Variants in SHOC1 observed in about 807,000 individuals in gnomAD.
SHOC1 encodes shortage in chiasmata 1, also known as protein shortage in chiasmata 1 ortholog.
Under a neutral mutation model 179.2 loss-of-function variants are expected in SHOC1, and 136 were observed. That is an observed-to-expected ratio of 0.76 (90% CI 0.66 to 0.87). SHOC1 has a LOEUF of 0.87. Among genes scored for constraint, SHOC1 ranks in the 40% least tolerant of loss-of-function variants. The pLI, the probability that SHOC1 is intolerant of heterozygous loss-of-function variation, is 0.00. For synonymous variants in SHOC1, 489 were observed against 586.6 expected (o/e 0.83, Z 2.41); for missense variants, 1,538 against 1,700.8 (o/e 0.90, Z 1.68).
intron 8 of SHOC1, among the ~76,000 whole-genome samples, chr9:111,752,263 G>A (rs1179488876): frequency 6.6e-6 from 1 of 152,192 alleles, no homozygotes; most frequent in African/African-American, 2.4e-5. Flanking sequence ...GAGAGCAACA[G>A]AGGAGGAGCC....
intron 8 of SHOC1, among the ~76,000 whole-genome samples, chr9:111,749,739 C>T (rs1341791634): frequency 2.0e-5 from 3 of 152,104 alleles, no homozygotes; most frequent in East Asian, 3.8e-4. Context: ...GTGTTCTCAT[C>T]GTTCAGCTCC....
At chr9:111,756,236 G>A in intron 8 of SHOC1, 89 bp downstream of exon 8, 1 of 1,092,112 alleles carries the variant, frequency 9.2e-7, no homozygotes, top group Non-Finnish European at 1.2e-6. Context: ...AAATCTGGAG[G>A]TTCAGAAAAA....
chr9:111,763,902 TA>T (rs1835247016), intron 5 of SHOC1, among the ~76,000 whole-genome samples: 1 of 152,134 alleles, frequency 6.6e-6, no homozygotes, highest in Admixed American at 6.6e-5. Context: ...TTCTATGTAC[TA>T]AATACATAGA....
In SHOC1 at chr9:111,758,683, T is replaced by A. The variant is rs1834990338; in HGVS notation, c.596+12A>T. On this transcript the variant is annotated intron_variant, in intron 6 of 27. Coordinates refer to ENST00000682961, the MANE Select transcript of SHOC1 (RefSeq NM_001378211.1). ...TAAAAATATTTACAGCATTGGTCAA[T>A]TAAGTAAGTACCTGGAAAAATTAGC... 6.4e-7 allele frequency: 1 copy of A among 1,566,058 alleles called. No homozygotes were observed. Among genetic ancestry groups the A allele is most frequent in the East Asian group, 2.3e-5 (1 of 44,402 alleles).
chr9:111,761,954 C>CTAG (rs1161324665), intron 5 of SHOC1, among the ~76,000 whole-genome samples: 1 of 152,064 alleles, frequency 6.6e-6, no homozygotes, highest in East Asian at 1.9e-4. Flanking sequence ...TCATACCATA[C>CTAG]TAGTGGACAT....
chr9:111,729,252 C>A (rs970469010), intron 12 of SHOC1, among the ~76,000 whole-genome samples: 2 of 105,148 alleles, frequency 1.9e-5, no homozygotes, highest in Non-Finnish European at 4.6e-5. Flanking sequence ...CAGGTGCGTA[C>A]CACCATGCCA....
rs528400808 is a variant in SHOC1, at chr9:111,785,499, T to C, written c.169+413A>G. Reference sequence around the variant, plus strand: ...TTAACCGACTTGACTCCTCCAAGGATGCTACTTCTTTACTAGTCCATGACT... The same window carrying C: ...TTAACCGACTTGACTCCTCCAAGGACGCTACTTCTTTACTAGTCCATGACT... On this transcript the variant is annotated intron_variant, in intron 3 of 27. Coordinates refer to ENST00000682961, the MANE Select transcript of SHOC1 (RefSeq NM_001378211.1). Among the ~76,000 whole-genome samples, 120 of 152,292 alleles carry C rather than the reference T, an allele frequency of 7.9e-4. 1 individual carries two copies. Among genetic ancestry groups the C allele is most frequent in the African/African-American group, 2.7e-3 (114 of 41,560 alleles).
chr9:111,781,240 A>C, intron 3 of SHOC1: 1 of 453,328 alleles, frequency 2.2e-6, no homozygotes, highest in South Asian at 3.1e-5. Context: ...TCACCTGAAC[A>C]TATCACCCTC....
At chr9:111,784,173 T>C (rs1836180431) in intron 3 of SHOC1, among the ~76,000 whole-genome samples, 1 of 152,206 alleles carries the variant, frequency 6.6e-6, no homozygotes, top group South Asian at 2.1e-4. Context: ...TCAAGATTAA[T>C]GTAACCAATT....
chr9:111,775,841 G>T lies in SHOC1; in HGVS notation c.392C>A (p.Thr131Asn). The change falls in exon 5 of 28, where the codon ACC becomes AAC. Residue 131 changes from threonine to asparagine, a missense_variant. Thr to Asn is a moderately conservative substitution (Grantham distance 65). Coordinates refer to ENST00000682961, the MANE Select transcript of SHOC1 (RefSeq NM_001378211.1). Reference sequence around the variant, plus strand: ...ACATTTTTCTAAACAACTGACAGGGGTAAAGACTTCATTGTAGTCCATGTG... The same window carrying T: ...ACATTTTTCTAAACAACTGACAGGGTTAAAGACTTCATTGTAGTCCATGTG... Reference protein sequence around the residue: ...YTHMDYNEVFTPVSCLEKCSA... With the variant: ...YTHMDYNEVFNPVSCLEKCSA... The T allele has an allele frequency of 1.2e-6, 2 of 1,613,252 alleles. No individual in the cohort carries two copies. Among genetic ancestry groups the T allele is most frequent in the Non-Finnish European group, 8.5e-7 (1 of 1,179,736 alleles).
chr9:111,758,151 T>TTCACAAAAG lies in SHOC1; in HGVS notation c.640_641insCTTTTGTGA (p.Glu214delinsAlaPheValLys). 1 of 1,589,406 alleles carries TTCACAAAAG rather than the reference T, an allele frequency of 6.3e-7. No homozygotes were observed. Among genetic ancestry groups the TTCACAAAAG allele is most frequent in the Non-Finnish European group, 8.6e-7 (1 of 1,167,256 alleles). On this transcript the variant is annotated protein_altering_variant, in exon 7 of 28. Transcript: ENST00000682961. The stretch of plus-strand genomic sequence containing the variant: ...GTTCACTTTATCCATACAAAAATCT[T>TTCACAAAAG]CTTTCACAAAAGCTTCCAAAGTTTC...
Position 111,780,461 on chromosome 9 carries a change from T to G in SHOC1, c.257+469A>C, listed in dbSNP as rs113296732. On this transcript the variant is annotated intron_variant, in intron 4 of 27. Coordinates refer to ENST00000682961, the MANE Select transcript of SHOC1 (RefSeq NM_001378211.1). Reference sequence around the variant, plus strand: ...ACTTTGCACATTGTATTGTAATTATTTCTTTATAAAACTCTATTCTTTGTT... The same window carrying G: ...ACTTTGCACATTGTATTGTAATTATGTCTTTATAAAACTCTATTCTTTGTT... 9.4e-3 allele frequency among the ~76,000 whole-genome samples: 1,434 copies of G among 152,342 alleles called. 23 individuals are homozygous for G. The highest frequency in any genetic ancestry group is 0.033 in the African/African-American group (1,369 of 41,572).
intron 7 of SHOC1, among the ~76,000 whole-genome samples, chr9:111,757,220 A>C (rs1471145654): frequency 6.6e-6 from 1 of 152,108 alleles, no homozygotes; most frequent in Non-Finnish European, 1.5e-5. Context: ...CTCCTGCCTC[A>C]GCCTCCCGAG....
At chr9:111,732,752 G>C (rs988406035) in intron 12 of SHOC1, among the ~76,000 whole-genome samples, 1 of 152,150 alleles carries the variant, frequency 6.6e-6, no homozygotes, top group Non-Finnish European at 1.5e-5. Flanking sequence ...CAAGGACCAG[G>C]GGGGTAGGTT....
At chr9:111,767,168 T>A (rs759773907) in intron 5 of SHOC1, among the ~76,000 whole-genome samples, 15 of 152,208 alleles carry the variant, frequency 9.9e-5, no homozygotes, top group South Asian at 4.1e-4. Flanking sequence ...ATTGTTTCTT[T>A]TGTTGTGCAG....
At chr9:111,755,211 C>T (rs1462490692) in intron 8 of SHOC1, among the ~76,000 whole-genome samples, 2 of 152,092 alleles carry the variant, frequency 1.3e-5, no homozygotes, top group Admixed American at 1.3e-4. Flanking sequence ...ATTTACGGAG[C>T]TGAGATTTGT....
chr9:111,755,769 T>C (rs1396004052), intron 8 of SHOC1, among the ~76,000 whole-genome samples: 1 of 152,168 alleles, frequency 6.6e-6, no homozygotes, highest in Non-Finnish European at 1.5e-5. Context: ...TTTAGTTTTA[T>C]TTGTATAATT....
intron 5 of SHOC1, among the ~76,000 whole-genome samples, chr9:111,765,031 C>T (rs1835292286): frequency 6.6e-6 from 1 of 151,822 alleles, no homozygotes; most frequent in Non-Finnish European, 1.5e-5. Context: ...ATCCTAGCTA[C>T]CTGGGAGGCT....
chr9:111,714,865 A>C (rs1271273598), intron 16 of SHOC1, among the ~76,000 whole-genome samples: 2 of 152,196 alleles, frequency 1.3e-5, no homozygotes, highest in Non-Finnish European at 2.9e-5. Context: ...CTCTCTAAAT[A>C]CATAACCTAT....
Sources: gnomAD v4.1 joint callset for allele counts (sites outside exome capture counted in the v4.1 genomes callset) on GRCh38, gnomAD v4.1.1 for gene constraint, MANE v1.5 for transcripts, NCBI Gene and HGNC (gene_info 2026-07-23, HGNC 2026-07-21) for gene names.